Variants in PIAS1 observed in about 807,000 individuals in gnomAD.
PIAS1 encodes the protein E3 SUMO-protein ligase PIAS1.
PIAS1 carries 6 observed loss-of-function variants against 71.3 expected under a neutral mutation model. The observed-to-expected ratio is 0.08, with a 90% CI of 0.05 to 0.17. PIAS1 has a LOEUF of 0.17. PIAS1 is among the 10% of genes least tolerant of loss of function. PIAS1 has a pLI of 1.00. For synonymous variants in PIAS1, 303 were observed against 292.9 expected, an observed-to-expected ratio of 1.03 and a Z score of -0.35; for missense variants, 555 against 793.6, an observed-to-expected ratio of 0.70 and a Z score of 3.61.
At chr15:68,055,187 G>A in intron 1 of PIAS1, 1 of 985,070 alleles carries the variant, frequency 1.0e-6, no homozygotes, top group Non-Finnish European at 1.2e-6. Flanking sequence ...GGAGCCTTTG[G>A]GGGTCTCTGC....
At chr15:68,155,459 A>AAAAAC (rs1482187965) in intron 7 of PIAS1, among the ~76,000 whole-genome samples, 4 of 151,142 alleles carry the variant, frequency 2.6e-5, no homozygotes, top group East Asian at 3.9e-4. Flanking sequence ...TAAAAAAAAA[A>AAAAAC]AAAAAAAAAA....
chr15:68,123,143 C>T (rs1020205174), intron 2 of PIAS1, among the ~76,000 whole-genome samples: 1 of 152,134 alleles, frequency 6.6e-6, no homozygotes, highest in Admixed American at 6.5e-5. Context: ...CCTCAAACTC[C>T]TAGGCTAAAG....
chr15:68,107,938 A>C (rs1002060388), intron 2 of PIAS1, among the ~76,000 whole-genome samples: 1 of 152,206 alleles, frequency 6.6e-6, no homozygotes, highest in Non-Finnish European at 1.5e-5. Flanking sequence ...ACTATTAACT[A>C]ATCTTGTACA....
Position 68,081,104 on chromosome 15 carries a change from C to T in PIAS1, c.25-5202C>T, listed in dbSNP as rs532834530. ...GTATTTATCTTTCTCAGAACATGGC[C>T]CCTGCCTCTGTGTAGTTGGGACAGA... On this transcript the variant is annotated intron_variant, in intron 1 of 13. Transcript: ENST00000249636. Among the ~76,000 whole-genome samples, 5 of 152,260 alleles carry T rather than the reference C, an allele frequency of 3.3e-5. No homozygotes were observed. In the East Asian group the frequency reaches 5.8e-4, roughly 18 times the overall value.
At chr15:68,066,928 T>G (rs1182647459) in intron 1 of PIAS1, among the ~76,000 whole-genome samples, 1 of 152,208 alleles carries the variant, frequency 6.6e-6, no homozygotes, top group Non-Finnish European at 1.5e-5. Flanking sequence ...CTTCTAAGTG[T>G]GAGTAGGTCT....
intron 2 of PIAS1, among the ~76,000 whole-genome samples, chr15:68,101,382 T>C (rs2092424618): frequency 6.6e-6 from 1 of 151,360 alleles, no homozygotes; most frequent in South Asian, 2.1e-4. Flanking sequence ...TTCTAGATTC[T>C]AGATTCTAGT....
In PIAS1 at chr15:68,185,648, C is replaced by T. The variant is rs899360957; in HGVS notation, c.1663-1894C>T. On this transcript the variant is annotated intron_variant, in intron 13 of 13. Transcript: ENST00000249636. The surrounding 1 kb of genome is among the most constrained non-coding windows in gnomAD (Gnocchi z 4.4). ...TAGCAGAAGCTTTTGCAGACCTCAA[C>T]AAGCTCCTTAAAAAATTTAAAAACA... Among the ~76,000 whole-genome samples, 8 of 152,172 alleles carry T rather than the reference C, an allele frequency of 5.3e-5. No individual in the cohort carries two copies. The highest frequency in any genetic ancestry group is 1.9e-4 in the African/African-American group (8 of 41,442).
chr15:68,118,426 T>A (rs2092584376), intron 2 of PIAS1, among the ~76,000 whole-genome samples: 1 of 152,184 alleles, frequency 6.6e-6, no homozygotes, highest in Admixed American at 6.5e-5. Flanking sequence ...AGCCTTGACC[T>A]CCTGGGCTGA....
At chr15:68,084,841 T>TA (rs2092264552) in intron 1 of PIAS1, among the ~76,000 whole-genome samples, 1 of 152,112 alleles carries the variant, frequency 6.6e-6, no homozygotes, top group African/African-American at 2.4e-5. Flanking sequence ...AATGCTAAAA[T>TA]ACAGATGCGA....
rs1167208812 is a variant in PIAS1 at position 68,171,363 on chromosome 15, G to A, written c.1009-2369G>A. The stretch of plus-strand genomic sequence containing the variant: ...ACTTTTAAAATATATATAAGTAAAG[G>A]GAGTACACTCCAAAATAATGATAAA... On this transcript the variant is annotated intron_variant, in intron 8 of 13. Coordinates refer to ENST00000249636, the MANE Select transcript of PIAS1 (RefSeq NM_016166.3). This position sits in a 1 kb window ranked among gnomAD's most constrained non-coding sequence, Gnocchi z 4.4. 2.0e-5 allele frequency among the ~76,000 whole-genome samples: 3 copies of A among 151,758 alleles called. No individual in the cohort carries two copies. The highest frequency in any genetic ancestry group is 2.1e-4 in the South Asian group (1 of 4,816).
At chr15:68,170,662 A>C (rs1287803465) in intron 8 of PIAS1, among the ~76,000 whole-genome samples, 1 of 151,660 alleles carries the variant, frequency 6.6e-6, no homozygotes, top group African/African-American at 2.4e-5. Context: ...TTTTTTTGAG[A>C]CAGAGTCTCC....
intron 1 of PIAS1, among the ~76,000 whole-genome samples, chr15:68,065,962 T>C (rs1021312613): frequency 8.0e-6 from 1 of 125,496 alleles, no homozygotes; most frequent in Non-Finnish European, 1.6e-5. Flanking sequence ...GGTCTTGCTG[T>C]GTTGCCCAGG....
chr15:68,057,024 A>G (rs1391369440), intron 1 of PIAS1, among the ~76,000 whole-genome samples: 2 of 152,174 alleles, frequency 1.3e-5, no homozygotes, highest in Non-Finnish European at 2.9e-5. Context: ...TTTCAGCCCC[A>G]TACTTCATTT....
intron 1 of PIAS1, among the ~76,000 whole-genome samples, chr15:68,062,162 A>T (rs917553150): frequency 6.6e-6 from 1 of 152,218 alleles, no homozygotes; most frequent in Non-Finnish European, 1.5e-5. Flanking sequence ...AGAATAATTT[A>T]TCAAGGGCTG....
intron 7 of PIAS1, among the ~76,000 whole-genome samples, chr15:68,160,949 A>G (rs2092920166): frequency 6.6e-6 from 1 of 152,206 alleles, no homozygotes; most frequent in Admixed American, 6.5e-5. Context: ...AGACAGCACA[A>G]TAAGACAAGG....
chr15:68,151,707 C>CACACACACATACAA (rs140053964), intron 6 of PIAS1, among the ~76,000 whole-genome samples: 1 of 134,408 alleles, frequency 7.4e-6, no homozygotes, highest in African/African-American at 2.8e-5. Flanking sequence ...CACACACACA[C>CACACACACATACAA]AAATTAGCTA....
intron 1 of PIAS1, among the ~76,000 whole-genome samples, chr15:68,076,429 C>A (rs373288051): frequency 6.6e-6 from 1 of 152,042 alleles, no homozygotes; most frequent in African/African-American, 2.4e-5. Context: ...ATCACTTGAA[C>A]CCAGGAGGCA....
At chr15:68,101,491 T>C (rs2092426138) in intron 2 of PIAS1, among the ~76,000 whole-genome samples, 1 of 152,154 alleles carries the variant, frequency 6.6e-6, no homozygotes, top group African/African-American at 2.4e-5. Context: ...GGGATCTCAC[T>C]GTGTTGCTCA....
At chr15:68,061,478 C>A (rs1023501506) in intron 1 of PIAS1, 5 of 152,162 alleles carry the variant, frequency 3.3e-5, no homozygotes, top group African/African-American at 1.2e-4. Flanking sequence ...CTATGAACTT[C>A]TAAAATTCGT....
Sources: allele counts gnomAD v4.1 joint callset (sites outside exome capture counted in the v4.1 genomes callset), GRCh38; gene constraint gnomAD v4.1.1; non-coding constraint Gnocchi (gnomAD v3.1); transcripts MANE v1.5; gene names NCBI Gene and HGNC (gene_info 2026-07-23, HGNC 2026-07-21).